Variants in PRKG1 observed in about 807,000 individuals in gnomAD.
The protein encoded by PRKG1 is cGMP-dependent protein kinase 1.
In PRKG1, 35 loss-of-function variants were observed where a neutral mutation model predicts 88.1. The observed-to-expected ratio is 0.40, with a 90% CI of 0.30 to 0.53. PRKG1 has a LOEUF of 0.53. Ranked by LOEUF, PRKG1 falls within the 20% of genes least tolerant of loss-of-function variation. The pLI is 0.59. For synonymous variants in PRKG1, 303 were observed against 292.5 expected (o/e 1.04, Z -0.37); for missense variants, 540 against 839.8 (o/e 0.64, Z 4.41).
intron 3 of PRKG1, among the ~76,000 whole-genome samples, chr10:51,577,363 A>C (rs1399195889): frequency 6.6e-6 from 1 of 152,064 alleles, no homozygotes; most frequent in Admixed American, 6.6e-5. Flanking sequence ...CACAAATGTG[A>C]AGACATACTG....
At position 51,896,155 on chromosome 10, in the gene PRKG1, G is replaced by C. The variant is rs191492250; in HGVS notation, c.699-11352G>C. Among the ~76,000 whole-genome samples, 860 of 152,158 alleles carry C rather than the reference G, an allele frequency of 5.7e-3. 7 individuals are homozygous for C. Among genetic ancestry groups the C allele is most frequent in the Non-Finnish European group, 8.0e-3 (541 of 67,996 alleles). On this transcript the variant is annotated intron_variant, in intron 4 of 17. Transcript: ENST00000373980. ...CATATGATTTGATTTTAAAAATGAA[G>C]AAAAGGATATTTCCAGCACTCTTTG...
At chr10:52,172,175 A>G (rs1396364072) in intron 9 of PRKG1, among the ~76,000 whole-genome samples, 2 of 152,224 alleles carry the variant, frequency 1.3e-5, no homozygotes, top group East Asian at 3.9e-4. Flanking sequence ...GAGACTCTCT[A>G]GGTAAGAAGA....
intron 4 of PRKG1, among the ~76,000 whole-genome samples, chr10:51,805,726 C>A (rs1459938501): frequency 6.6e-6 from 1 of 151,936 alleles, no homozygotes; most frequent in East Asian, 1.9e-4. Flanking sequence ...ATATTCCTTA[C>A]TTGGATATTT....
At chr10:51,759,312 G>C (rs1589263639) in intron 3 of PRKG1, among the ~76,000 whole-genome samples, 1 of 151,950 alleles carries the variant, frequency 6.6e-6, no homozygotes, top group East Asian at 1.9e-4. Context: ...TGTCGCCCAG[G>C]CTGGAGTGTG....
Position 51,456,343 on chromosome 10 carries a change from C to T in PRKG1, c.479-11380C>T, listed in dbSNP as rs144743646. Among the ~76,000 whole-genome samples, 510 of 152,184 alleles carry T rather than the reference C, an allele frequency of 3.4e-3. 1 individual carries two copies. Among genetic ancestry groups the T allele is most frequent in the Non-Finnish European group, 4.8e-3 (325 of 67,992 alleles). On this transcript the variant is annotated intron_variant, in intron 2 of 17. Coordinates refer to ENST00000373980, the MANE Select transcript of PRKG1 (RefSeq NM_006258.4). Reference sequence around the variant, plus strand: ...GGGTGAGGACACAGCCAAACCATATCAACACACTATTCAATAAATGGTGCT... The same window carrying T: ...GGGTGAGGACACAGCCAAACCATATTAACACACTATTCAATAAATGGTGCT...
At chr10:52,058,264 G>A (rs902374162) in intron 6 of PRKG1, among the ~76,000 whole-genome samples, 1 of 151,938 alleles carries the variant, frequency 6.6e-6, no homozygotes, top group African/African-American at 2.4e-5. Flanking sequence ...ATAGCTGCTA[G>A]TAGTGGCTGT....
intron 3 of PRKG1, among the ~76,000 whole-genome samples, chr10:51,581,071 A>C (rs556497794): frequency 3.1e-4 from 47 of 152,208 alleles, no homozygotes; most frequent in African/African-American, 1.1e-3. Context: ...AGCATTTATT[A>C]AGTTTAGTGA....
intron 1 of PRKG1, among the ~76,000 whole-genome samples, chr10:51,081,040 A>T (rs1844096718): frequency 6.6e-6 from 1 of 152,076 alleles, no homozygotes; most frequent in Non-Finnish European, 1.5e-5. Flanking sequence ...CACTCTCAAA[A>T]CTGTCTTATT....
intron 3 of PRKG1, among the ~76,000 whole-genome samples, chr10:51,636,702 C>T (rs1450949034): frequency 6.6e-6 from 1 of 152,194 alleles, no homozygotes; most frequent in African/African-American, 2.4e-5. Context: ...ACCATCTGTC[C>T]AGCCAGAACG....
intron 3 of PRKG1, among the ~76,000 whole-genome samples, chr10:51,754,431 G>A (rs1837805461): frequency 6.6e-6 from 1 of 152,150 alleles, no homozygotes. Context: ...TTAGTCACTT[G>A]CCCAAATGGG....
chr10:52,185,787 A>G (rs548753333), intron 9 of PRKG1, among the ~76,000 whole-genome samples: 1 of 152,296 alleles, frequency 6.6e-6, no homozygotes, highest in African/African-American at 2.4e-5. Context: ...GGAAGCCACC[A>G]GGGATTATGG....
intron 1 of PRKG1, among the ~76,000 whole-genome samples, chr10:51,029,005 C>T (rs1391563976): frequency 6.6e-6 from 1 of 152,062 alleles, no homozygotes; most frequent in Non-Finnish European, 1.5e-5. Context: ...AGATAACTTC[C>T]TTCCACTCCT....
At chr10:51,140,415 CA>C (rs1389660313) in intron 1 of PRKG1, among the ~76,000 whole-genome samples, 1 of 152,102 alleles carries the variant, frequency 6.6e-6, no homozygotes, top group East Asian at 1.9e-4. Flanking sequence ...AATGAATCAA[CA>C]GTGTAAGGAT....
In PRKG1 at chr10:51,750,332, T is replaced by C. The variant is rs558818842; in HGVS notation, c.593-54253T>C. Among the ~76,000 whole-genome samples the C allele has an allele frequency of 2.6e-5, 4 of 152,272 alleles. No individual in the cohort carries two copies. In the South Asian group the frequency reaches 8.3e-4, roughly 32 times the overall value. On this transcript the variant is annotated intron_variant, in intron 3 of 17. Coordinates refer to ENST00000373980, the MANE Select transcript of PRKG1 (RefSeq NM_006258.4). ...CCAATAATATATTTATCAATTTGAG[T>C]ATTTTTTGCATGTGGACATAAGAAA...
In PRKG1 at chr10:51,271,868, T is replaced by C. The variant is rs192110706; in HGVS notation, c.478+118538T>C. Among the ~76,000 whole-genome samples the C allele has an allele frequency of 4.7e-4, 72 of 152,342 alleles. 1 individual carries two copies. Among genetic ancestry groups the C allele is most frequent in the African/African-American group, 1.7e-3 (69 of 41,592 alleles). ...GTCTTTGCTATTGTGAATAGTGCTG[T>C]AATAAACATACATGTGCATGTGTCT... On this transcript the variant is annotated intron_variant, in intron 2 of 17. Transcript: ENST00000373980.
intron 3 of PRKG1, among the ~76,000 whole-genome samples, chr10:51,722,530 A>T (rs543081706): frequency 6.6e-6 from 1 of 152,168 alleles, no homozygotes; most frequent in African/African-American, 2.4e-5. Flanking sequence ...TGGAAAATTT[A>T]TTCATCTTTT....
At chr10:51,057,777 T>C (rs1843643426) in intron 1 of PRKG1, among the ~76,000 whole-genome samples, 1 of 152,188 alleles carries the variant, frequency 6.6e-6, no homozygotes, top group African/African-American at 2.4e-5. Flanking sequence ...TGGACATTTG[T>C]GCTATTGCCA....
At chr10:51,155,571 A>G (rs1846185957) in intron 2 of PRKG1, among the ~76,000 whole-genome samples, 2 of 151,976 alleles carry the variant, frequency 1.3e-5, no homozygotes, top group Non-Finnish European at 2.9e-5. Context: ...CTATGGGGCT[A>G]TGTATTAGTC....
At chr10:52,183,689 A>T (rs1314128193) in intron 9 of PRKG1, among the ~76,000 whole-genome samples, 1 of 152,076 alleles carries the variant, frequency 6.6e-6, no homozygotes, top group Non-Finnish European at 1.5e-5. Context: ...AGGAGGGCAT[A>T]CTCCAGATGT....
Sources: allele counts gnomAD v4.1 joint callset (sites outside exome capture counted in the v4.1 genomes callset), GRCh38; gene constraint gnomAD v4.1.1; transcripts MANE v1.5; gene names NCBI Gene and HGNC (gene_info 2026-07-23, HGNC 2026-07-21).